VAT1L: variants seen among roughly 807,000 people sequenced by gnomAD.
VAT1L encodes putative NADPH-dependent quinone oxidoreductase VAT1L.
VAT1L carries 34 observed loss-of-function variants against 44.1 expected under a neutral mutation model. The observed-to-expected ratio is 0.77, with a 90% CI of 0.59 to 1.03. VAT1L has a LOEUF of 1.03. VAT1L is among the 50% of genes least tolerant of loss of function. VAT1L has a pLI of 0.00. For missense variants in VAT1L, 615 were observed against 538.8 expected (o/e 1.14, Z -1.40); for synonymous variants, 253 against 202.2 (o/e 1.25, Z -2.13).
chr16:77,915,381 G>C (rs189108149), intron 7 of VAT1L, among the ~76,000 whole-genome samples: 2 of 152,130 alleles, frequency 1.3e-5, no homozygotes, highest in African/African-American at 4.8e-5. Context: ...ACATTTATCT[G>C]CACACCAGTG....
intron 3 of VAT1L, among the ~76,000 whole-genome samples, 189 bp downstream of exon 3, chr16:77,825,650 T>C (rs944440151): frequency 6.6e-6 from 1 of 152,038 alleles, no homozygotes; most frequent in African/African-American, 2.4e-5. Context: ...GAGAGATGGT[T>C]TCTCTGGAGT....
intron 1 of VAT1L, among the ~76,000 whole-genome samples, chr16:77,802,825 CT>C (rs2016088078): frequency 6.6e-6 from 1 of 152,170 alleles, no homozygotes; most frequent in Non-Finnish European, 1.5e-5. Flanking sequence ...TCTTGGCAAT[CT>C]TTATTCACCC....
chr16:77,911,935 T>G (rs2017503868), intron 7 of VAT1L, among the ~76,000 whole-genome samples: 1 of 152,158 alleles, frequency 6.6e-6, no homozygotes, highest in Non-Finnish European at 1.5e-5. Context: ...ACTGACGGTA[T>G]GTTAGGTTGA....
Position 77,788,731 on chromosome 16 carries a change from G to C in VAT1L, c.49G>C (p.Glu17Gln). Residue 17 changes from glutamate to glutamine, a missense_variant, in exon 1 of 9, where the codon GAG becomes CAG. Glu to Gln is a conservative substitution (Grantham distance 29, BLOSUM62 2). Transcript: ENST00000302536. ...EKAEETEQMI[E>Q]KEAGKEPAEG... ...GGCGGAGGAGACGGAGCAAATGATCGAGAAGGAGGCAGGCAAGGAGCCGGC... is the reference window on the plus strand; with the variant it reads ...GGCGGAGGAGACGGAGCAAATGATCCAGAAGGAGGCAGGCAAGGAGCCGGC... The C allele has an allele frequency of 3.2e-6, 5 of 1,558,838 alleles. No individual in the cohort carries two copies. Among genetic ancestry groups the C allele is most frequent in the Non-Finnish European group, 4.3e-6 (5 of 1,150,830 alleles).
chr16:77,858,908 G>A (rs547760962), intron 3 of VAT1L, among the ~76,000 whole-genome samples: 1 of 152,126 alleles, frequency 6.6e-6, no homozygotes, highest in Non-Finnish European at 1.5e-5. Context: ...GGCCGAGGCG[G>A]GCGGGTCACC....
chr16:77,969,195 C>G (rs1433637288), intron 7 of VAT1L, among the ~76,000 whole-genome samples: 1 of 152,150 alleles, frequency 6.6e-6, no homozygotes. Flanking sequence ...CAGCACACTC[C>G]CAAGTCTGGG....
intron 7 of VAT1L, among the ~76,000 whole-genome samples, chr16:77,913,339 G>C (rs1597095941): frequency 1.3e-5 from 2 of 151,184 alleles, no homozygotes; most frequent in South Asian, 2.1e-4. Flanking sequence ...CATTGGAGTT[G>C]TCTATGCTTT....
chr16:77,893,270 G>T (rs75560282), intron 7 of VAT1L, among the ~76,000 whole-genome samples: 2,411 of 152,272 alleles, frequency 0.016, 66 homozygotes, highest in African/African-American at 0.056. Flanking sequence ...CAACCAAAGT[G>T]GGGGTGTGGG....
rs11312977 is a variant in VAT1L at position 77,971,010 on chromosome 16, CTT to C, written c.1078-829_1078-828del. On this transcript the variant is annotated intron_variant, in intron 7 of 8. Coordinates refer to ENST00000302536, the MANE Select transcript of VAT1L (RefSeq NM_020927.3). Reference sequence around the variant, plus strand: ...AATATTTAGGCTAGATCTATTAAAACTTTTTTTTTTTTCTTAATCAAGAGATG... The same window carrying C: ...AATATTTAGGCTAGATCTATTAAAACTTTTTTTTTTCTTAATCAAGAGATG... Among the ~76,000 whole-genome samples the C allele has an allele frequency of 3.7e-3, 552 of 150,030 alleles. 1 individual carries two copies. The highest frequency in any genetic ancestry group is 6.9e-3 in the Middle Eastern group (2 of 290).
chr16:77,965,931 A>G (rs367925720), intron 7 of VAT1L, among the ~76,000 whole-genome samples: 10 of 152,272 alleles, frequency 6.6e-5, no homozygotes, highest in Admixed American at 2.0e-4. Context: ...GCAATCCCCA[A>G]TATGGTAGCT....
intron 1 of VAT1L, among the ~76,000 whole-genome samples, chr16:77,815,060 A>G (rs2016328121): frequency 6.6e-6 from 1 of 152,226 alleles, no homozygotes; most frequent in African/African-American, 2.4e-5. Context: ...GAAGTTAAGT[A>G]ACTTTTCCCA....
chr16:77,833,767 A>G (rs1480552135), intron 3 of VAT1L, among the ~76,000 whole-genome samples: 1 of 149,300 alleles, frequency 6.7e-6, no homozygotes, highest in African/African-American at 2.6e-5. Flanking sequence ...AAAGAAAAAG[A>G]AAAAAAAGAA....
At chr16:77,817,936 A>G (rs536976801) in intron 2 of VAT1L, among the ~76,000 whole-genome samples, 11 of 152,168 alleles carry the variant, frequency 7.2e-5, no homozygotes, top group Non-Finnish European at 1.5e-4. Context: ...ACCATGGAGA[A>G]GTTATCTTTT....
At chr16:77,968,873 C>G (rs1289261311) in intron 7 of VAT1L, among the ~76,000 whole-genome samples, 1 of 152,078 alleles carries the variant, frequency 6.6e-6, no homozygotes, top group Admixed American at 6.5e-5. Context: ...GGCGGGAGCA[C>G]AGTGGCGCGA....
At chr16:77,880,346 G>C (rs1219403600) in intron 6 of VAT1L, among the ~76,000 whole-genome samples, 2 of 152,014 alleles carry the variant, frequency 1.3e-5, no homozygotes, top group Admixed American at 6.6e-5. Context: ...TTTTGGTAGA[G>C]ACAAGGTTTC....
At chr16:77,905,483 C>A (rs2017428363) in intron 7 of VAT1L, among the ~76,000 whole-genome samples, 1 of 152,116 alleles carries the variant, frequency 6.6e-6, no homozygotes. Context: ...AGCCTCGCCA[C>A]CCCTGCTGAG....
At chr16:77,913,997 G>C (rs543387906) in intron 7 of VAT1L, among the ~76,000 whole-genome samples, 3 of 152,032 alleles carry the variant, frequency 2.0e-5, no homozygotes, top group African/African-American at 7.3e-5. Context: ...CAAGCTCTTT[G>C]GTCATCTGTT....
intron 7 of VAT1L, among the ~76,000 whole-genome samples, chr16:77,890,062 G>A (rs991883791): frequency 1.3e-5 from 2 of 152,184 alleles, no homozygotes; most frequent in African/African-American, 4.8e-5. Context: ...ACTCCAGCCT[G>A]GGCAACAGAG....
intron 7 of VAT1L, among the ~76,000 whole-genome samples, chr16:77,918,326 C>T (rs1353592032): frequency 6.6e-6 from 1 of 152,156 alleles, no homozygotes; most frequent in Admixed American, 6.5e-5. Context: ...TGCTACCATC[C>T]GTGCAGGAAA....
Sources: gnomAD v4.1 joint callset for allele counts (sites outside exome capture counted in the v4.1 genomes callset) on GRCh38, gnomAD v4.1.1 for gene constraint, MANE v1.5 for transcripts, NCBI Gene and HGNC (gene_info 2026-07-23, HGNC 2026-07-21) for gene names.